The following SNX25 variants were observed in gnomAD, a reference collection of about 807,000 sequenced individuals.
SNX25 encodes sorting nexin 25.
SNX25 carries 62 observed loss-of-function variants against 113.7 expected under a neutral mutation model. The observed-to-expected ratio is 0.55, with a 90% confidence interval of 0.44 to 0.67. The LOEUF (loss-of-function observed/expected upper bound fraction) is 0.67. Ranked by LOEUF, SNX25 falls within the 30% of genes least tolerant of loss-of-function variation. SNX25 has a pLI of 0.00. For synonymous variants in SNX25, 421 were observed against 436.2 expected, an observed-to-expected ratio of 0.97 and a Z score of 0.43; for missense variants, 1,014 against 1,161.0, an observed-to-expected ratio of 0.87 and a Z score of 1.84.
chr4:185,247,413 A>G (rs1466758659), intron 2 of SNX25, 35 bp downstream of exon 2: 2 of 1,344,168 alleles, frequency 1.5e-6, no homozygotes, highest in East Asian at 2.3e-5. Context: ...ATTACCATGT[A>G]AAGCAATTCA....
intron 1 of SNX25, among the ~76,000 whole-genome samples, chr4:185,220,648 A>T (rs1384792237): frequency 3.3e-5 from 5 of 151,742 alleles, no homozygotes; most frequent in East Asian, 1.9e-4. Flanking sequence ...GCCTGGCTAA[A>T]TTTTTGTATT....
intron 6 of SNX25, among the ~76,000 whole-genome samples, chr4:185,305,970 AC>A (rs1754413433): frequency 6.6e-6 from 1 of 152,174 alleles, no homozygotes; most frequent in African/African-American, 2.4e-5. Context: ...TTCACTGGCC[AC>A]TTCTTTTTAA....
chr4:185,266,738 A>G (rs1031705203), intron 4 of SNX25, among the ~76,000 whole-genome samples: 2 of 152,202 alleles, frequency 1.3e-5, no homozygotes, highest in Non-Finnish European at 2.9e-5. Flanking sequence ...TCACTTATTT[A>G]TTAAAATGAC....
At chr4:185,280,936 T>G (rs946522758) in intron 5 of SNX25, among the ~76,000 whole-genome samples, 10 of 152,218 alleles carry the variant, frequency 6.6e-5, no homozygotes, top group Non-Finnish European at 1.2e-4. Context: ...AACGAGACCC[T>G]GGATCCACCC....
rs1322433808 is a variant in SNX25 at position 185,361,946 on chromosome 4, T to A, written c.2674T>A (p.Trp892Arg). The stretch of plus-strand genomic sequence containing the variant: ...AAGACAAATCCGGGACACAGTCAGC[T>A]GGATTTTCAGTGAGCAAATGTTGGT... ...INKQIRDTVS[W>R]IFSEQMLVYY... is the part of the protein sequence containing the mutation. Residue 892 changes from tryptophan (W) to arginine (R), a missense_variant, in exon 17 of 19, where the codon TGG (tryptophan) becomes AGG (arginine). Trp to Arg is a moderately radical substitution (Grantham distance 101). Coordinates refer to ENST00000652585, the MANE Select transcript of SNX25 (RefSeq NM_001378034.2). 6.2e-7 allele frequency: 1 copy of A among 1,614,110 alleles called. No individual in the cohort carries two copies. Among genetic ancestry groups the A allele is most frequent in the East Asian group, 2.2e-5 (1 of 44,888 alleles).
the SNX25 span, chr4:185,377,082 T>C: frequency 8.7e-7 from 1 of 1,153,698 alleles, no homozygotes; most frequent in Non-Finnish European, 1.3e-6. Context: ...CTTGAAGTAA[T>C]GAATCATATA....
At chr4:185,218,108 G>A (rs955274482) in intron 1 of SNX25, among the ~76,000 whole-genome samples, 6 of 151,970 alleles carry the variant, frequency 3.9e-5, no homozygotes, top group Admixed American at 2.6e-4. Flanking sequence ...TTTTTGAGGC[G>A]GAGTCTGGCT....
chr4:185,214,704 T>G (rs80017503), intron 1 of SNX25, among the ~76,000 whole-genome samples: 2 of 152,322 alleles, frequency 1.3e-5, no homozygotes, highest in South Asian at 2.1e-4. Context: ...TTCATCAAAT[T>G]GGATTAATAA....
intron 2 of SNX25, 45 bp downstream of exon 2, chr4:185,247,423 A>G (rs138032592): frequency 3.1e-6 from 4 of 1,297,924 alleles, no homozygotes; most frequent in East Asian, 2.3e-5. Context: ...AAAGCAATTC[A>G]TTATGTTCTA....
At chr4:185,304,817 G>A (rs1335581960) in intron 6 of SNX25, among the ~76,000 whole-genome samples, 3 of 152,200 alleles carry the variant, frequency 2.0e-5, no homozygotes, top group Non-Finnish European at 2.9e-5. Context: ...ATACAAGAAA[G>A]ATTCAACAGC....
In SNX25 at chr4:185,298,468, CAT is replaced by C. The variant is rs1028732655; in HGVS notation, c.1162+10387_1162+10388del. On this transcript the variant is annotated intron_variant, in intron 6 of 18. Coordinates refer to ENST00000652585, the MANE Select transcript of SNX25 (RefSeq NM_001378034.2). ...AATAATATATTTTTCATACTGAAGT[CAT>C]GTGATTTTTTTTAAAAAAATACATA... 2.0e-5 allele frequency among the ~76,000 whole-genome samples: 3 copies of C among 152,150 alleles called. No individual in the cohort carries two copies. The East Asian group carries it at 5.8e-4, about 29-fold the overall frequency.
chr4:185,327,554 C>T (rs1353544935), intron 9 of SNX25, among the ~76,000 whole-genome samples: 2 of 152,078 alleles, frequency 1.3e-5, no homozygotes, highest in African/African-American at 2.4e-5. Context: ...TATAAATTAT[C>T]TTTTCTTTAA....
exon 12 of SNX25, chr4:185,370,043 A>T (rs951272209): frequency 5.7e-6 from 1 of 176,610 alleles, no homozygotes; most frequent in Non-Finnish European, 1.2e-5. Flanking sequence ...TCTTTTTTTA[A>T]AAAAAATCTA....
At chr4:185,308,956 A>G (rs1754873080) in intron 6 of SNX25, among the ~76,000 whole-genome samples, 1 of 152,226 alleles carries the variant, frequency 6.6e-6, no homozygotes, top group African/African-American at 2.4e-5. Flanking sequence ...AAACTACCCT[A>G]AAACATAGTG....
Position 185,310,845 on chromosome 4 carries a change from C to A in SNX25, c.1344+29C>A, listed in dbSNP as rs754396863. ...GAACTTTATAGTTTCTTGTTTTGACCCTACCAAGTTTATTATAAATGCTGA... is the reference window on the plus strand; with the variant it reads ...GAACTTTATAGTTTCTTGTTTTGACACTACCAAGTTTATTATAAATGCTGA... On this transcript the variant is annotated intron_variant, in intron 7 of 18. Transcript: ENST00000652585. 7 of 1,555,888 alleles carry A rather than the reference C, an allele frequency of 4.5e-6. No homozygotes were observed. The African/African-American group carries it at 8.3e-5, about 18-fold the overall frequency.
the SNX25 span, chr4:185,376,999 CA>C: frequency 6.2e-7 from 1 of 1,612,462 alleles, no homozygotes; most frequent in Non-Finnish European, 8.5e-7. Context: ...CCTTATCCAC[CA>C]AATTAGCATG....
At chr4:185,339,320 T>A in intron 10 of SNX25, 59 bp from the exon 11 acceptor site, 2 of 1,522,768 alleles carry the variant, frequency 1.3e-6, no homozygotes, top group Non-Finnish European at 1.8e-6. Flanking sequence ...CCTGCTACTT[T>A]GCTGAATTGC....
chr4:185,370,532 G>T, downstream of SNX25: 1 of 1,122,320 alleles, frequency 8.9e-7, no homozygotes, highest in Non-Finnish European at 1.3e-6. Flanking sequence ...GAGGTTATCT[G>T]CACAGTAATT....
downstream of SNX25, chr4:185,370,627 T>C (rs2095411562): frequency 6.2e-7 from 1 of 1,611,844 alleles, no homozygotes; most frequent in Admixed American, 1.7e-5. Context: ...TTATATTTTG[T>C]TCTAAAGCTT....
Sources: gnomAD v4.1 joint callset for allele counts (sites outside exome capture counted in the v4.1 genomes callset) on GRCh38, gnomAD v4.1.1 for gene constraint, MANE v1.5 for transcripts, NCBI Gene and HGNC (gene_info 2026-07-23, HGNC 2026-07-21) for gene names.